The following RNF216 variants were observed in gnomAD, a reference collection of about 807,000 sequenced individuals.
The protein encoded by RNF216 is E3 ubiquitin-protein ligase RNF216.
A neutral mutation model predicts 110.8 loss-of-function variants in RNF216; 72 were observed. The ratio of observed to expected loss-of-function variants is 0.65; its 90% CI spans 0.54 to 0.79. The LOEUF is 0.79. Ranked by LOEUF, RNF216 falls within the 30% of genes least tolerant of loss-of-function variation. The probability of loss-of-function intolerance (pLI) is 0.00; values close to 1 mark genes in which losing one functional copy is unlikely to be tolerated. For synonymous variants in RNF216, 495 were observed against 407.5 expected (o/e 1.21, Z -2.59); for missense variants, 1,342 against 1,141.2 (o/e 1.18, Z -2.54).
intron 13 of RNF216, among the ~76,000 whole-genome samples, chr7:5,699,871 T>G (rs1791854138): frequency 6.6e-6 from 1 of 152,246 alleles, no homozygotes; most frequent in South Asian, 2.1e-4. Flanking sequence ...ACCCTCTGTA[T>G]TCTTTATCTT....
At chr7:5,688,912 GTC>G (rs1319315924) in intron 13 of RNF216, among the ~76,000 whole-genome samples, 3 of 152,130 alleles carry the variant, frequency 2.0e-5, no homozygotes, top group Non-Finnish European at 2.9e-5. Context: ...TAAAGTTTAA[GTC>G]TGAACTCAAA....
At chr7:5,766,731 G>C (rs1168292709) in intron 1 of RNF216, among the ~76,000 whole-genome samples, 1 of 152,170 alleles carries the variant, frequency 6.6e-6, no homozygotes, top group African/African-American at 2.4e-5. Context: ...AATACAGGTG[G>C]AATTACAGAA....
At chr7:5,653,145 G>A (rs1423966922) in intron 13 of RNF216, among the ~76,000 whole-genome samples, 1 of 146,804 alleles carries the variant, frequency 6.8e-6, no homozygotes, top group Non-Finnish European at 1.6e-5. Context: ...ACTTTCCTCC[G>A]TTGCTCATCA....
intron 15 of RNF216, among the ~76,000 whole-genome samples, chr7:5,629,894 C>T (rs943834249): frequency 6.6e-6 from 1 of 150,862 alleles, no homozygotes; most frequent in East Asian, 2.0e-4. Context: ...AAACATGAGG[C>T]CTAGTCCCTC....
intron 13 of RNF216, among the ~76,000 whole-genome samples, chr7:5,689,642 G>C (rs1165137878): frequency 2.6e-5 from 4 of 152,102 alleles, no homozygotes; most frequent in Admixed American, 1.3e-4. Flanking sequence ...AAATCATTTA[G>C]ATATGCAGAG....
At chr7:5,768,645 G>A (rs545933546) in intron 1 of RNF216, among the ~76,000 whole-genome samples, 4 of 150,156 alleles carry the variant, frequency 2.7e-5, no homozygotes, top group Admixed American at 6.8e-5. Flanking sequence ...ATTCTGAAAT[G>A]TGAGAAATGA....
Position 5,741,377 on chromosome 7 carries a change from C to T in RNF216, c.640G>A (p.Glu214Lys), listed in dbSNP as rs1200138022. Reference protein sequence around the residue: ...SETELLSNLGESAALADDQAI... With the variant: ...SETELLSNLGKSAALADDQAI... ...TGATCATCTGCTAGAGCAGCTGACTCTCCTAGATTTGATAACAGCTCTGTC... is the reference window on the plus strand; with the variant it reads ...TGATCATCTGCTAGAGCAGCTGACTTTCCTAGATTTGATAACAGCTCTGTC... The change falls in exon 4 of 17, where the codon GAG becomes AAG. Residue 214 changes from glutamate to lysine, a missense_variant. Physicochemically the swap from Glu to Lys is moderately conservative, Grantham distance 56 (BLOSUM62 1). Transcript: ENST00000389902. 1 of 1,614,204 alleles carries T rather than the reference C, an allele frequency of 6.2e-7. No homozygotes were observed. The highest frequency in any genetic ancestry group is 8.5e-7 in the Non-Finnish European group (1 of 1,180,028).
intron 5 of RNF216, among the ~76,000 whole-genome samples, chr7:5,733,743 A>G (rs988128188): frequency 8.5e-5 from 13 of 152,172 alleles, no homozygotes; most frequent in African/African-American, 2.7e-4. Context: ...TAGTAAACAA[A>G]TATTTGAAAA....
At chr7:5,661,502 T>G (rs185820915) in intron 13 of RNF216, among the ~76,000 whole-genome samples, 1 of 152,178 alleles carries the variant, frequency 6.6e-6, no homozygotes, top group Non-Finnish European at 1.5e-5. Flanking sequence ...ATTATTCCCA[T>G]TTTTAAAAAA....
At position 5,680,710 on chromosome 7, in the gene RNF216, T is replaced by G. The variant is rs947848090; in HGVS notation, c.2062-28200A>C. Among the ~76,000 whole-genome samples, 5 of 151,956 alleles carry G rather than the reference T, an allele frequency of 3.3e-5. No homozygotes were observed. The highest frequency in any genetic ancestry group is 6.6e-5 in the Admixed American group (1 of 15,262). On this transcript the variant is annotated intron_variant, in intron 13 of 16. Transcript: ENST00000389902. This position sits in a 1 kb window ranked among gnomAD's most constrained non-coding sequence, Gnocchi z 4.3. ...AGCCACCGCGCCCAGCACTCAACAC[T>G]TCTACTTGGATATCTAAAAGGCACC...
chr7:5,723,834 G>A (rs1280538350), intron 8 of RNF216, among the ~76,000 whole-genome samples: 2 of 152,040 alleles, frequency 1.3e-5, no homozygotes, highest in Admixed American at 1.3e-4. Flanking sequence ...GGGATCCCTG[G>A]AACAGATGAG....
At chr7:5,641,026 T>C (rs374910601) in intron 15 of RNF216, 128 bp downstream of exon 15, 54 of 715,960 alleles carry the variant, frequency 7.5e-5, no homozygotes, top group East Asian at 6.4e-4. Flanking sequence ...TCTTTGGTTA[T>C]CAGTCTATGT....
intron 13 of RNF216, among the ~76,000 whole-genome samples, chr7:5,654,318 A>T (rs923651123): frequency 6.6e-6 from 1 of 152,110 alleles, no homozygotes; most frequent in Non-Finnish European, 1.5e-5. Flanking sequence ...GAATTTAAAA[A>T]GGGAGAAAAA....
chr7:5,653,020 G>T (rs185267597), intron 13 of RNF216, among the ~76,000 whole-genome samples: 1 of 152,280 alleles, frequency 6.6e-6, no homozygotes. Context: ...GGCAGGGCCT[G>T]TTTGGATCTC....
At chr7:5,699,491 A>G (rs187787835) in intron 13 of RNF216, among the ~76,000 whole-genome samples, 1 of 152,288 alleles carries the variant, frequency 6.6e-6, no homozygotes, top group African/African-American at 2.4e-5. Flanking sequence ...TGCTCAAGCT[A>G]TTCTTCCCAT....
intron 13 of RNF216, chr7:5,662,499 C>T (rs902623228): frequency 6.6e-5 from 10 of 152,170 alleles, no homozygotes; most frequent in African/African-American, 2.4e-4. Flanking sequence ...GAGATTATCA[C>T]CATCACTGAA....
chr7:5,776,354 C>G (rs998303738), intron 1 of RNF216, among the ~76,000 whole-genome samples: 5 of 151,016 alleles, frequency 3.3e-5, no homozygotes, highest in African/African-American at 9.8e-5. Flanking sequence ...GAGGCCAAGG[C>G]GGGCGGATCA....
chr7:5,725,367 T>C lies in RNF216; in HGVS notation c.1461A>G (p.Lys487=). ...CAATGTAAGAATACTGGTTCATTTG[T>C]TTTCTCTTCTTCCTTTTTCCACTGG... ...PETSGKRKKR[K]QMNQYSYIDF... The change falls in exon 8 of 17, where the codon AAA becomes AAG. Residue 487 remains lysine, a synonymous_variant. Transcript: ENST00000389902. The C allele has an allele frequency of 6.2e-7, 1 of 1,613,772 alleles. No individual in the cohort carries two copies. Among genetic ancestry groups the C allele is most frequent in the South Asian group, 1.1e-5 (1 of 91,068 alleles).
intron 13 of RNF216, among the ~76,000 whole-genome samples, chr7:5,705,382 T>A (rs1295111010): frequency 6.6e-6 from 1 of 152,170 alleles, no homozygotes; most frequent in South Asian, 2.1e-4. Flanking sequence ...CCTCTGGCTT[T>A]CTCCCCACCT....
Sources: allele counts gnomAD v4.1 joint callset (sites outside exome capture counted in the v4.1 genomes callset), GRCh38; gene constraint gnomAD v4.1.1; non-coding constraint Gnocchi (gnomAD v3.1); transcripts MANE v1.5; gene names NCBI Gene and HGNC (gene_info 2026-07-23, HGNC 2026-07-21).